Variants in SYNJ1 observed in about 807,000 individuals in gnomAD.
SYNJ1 encodes the protein polyphosphatidylinositol phosphatase SYNJ1.
A neutral mutation model predicts 168.2 loss-of-function variants in SYNJ1; 78 were observed. The observed-to-expected ratio is 0.46, with a 90% CI of 0.39 to 0.56. SYNJ1 has a LOEUF of 0.56. Among genes scored for constraint, SYNJ1 ranks in the 20% least tolerant of loss-of-function variants. The pLI is 0.00. For missense variants in SYNJ1, 1,303 were observed against 1,597.6 expected, an observed-to-expected ratio of 0.82 and a Z score of 3.14; for synonymous variants, 539 against 548.6, an observed-to-expected ratio of 0.98 and a Z score of 0.24.
In SYNJ1 at chr21:32,699,557, A is replaced by T. The variant is rs111521311; in HGVS notation, c.479+281T>A. 7.5e-4 allele frequency among the ~76,000 whole-genome samples: 114 copies of T among 152,242 alleles called. 1 individual carries two copies. Among genetic ancestry groups the T allele is most frequent in the African/African-American group, 2.6e-3 (109 of 41,546 alleles). ...AGTGAGTACTGAGCATCCTAAGAGG[A>T]GTTCCGGGGCATTCTTTCCAACACG... On this transcript the variant is annotated intron_variant, in intron 4 of 32. Coordinates refer to ENST00000674351, the MANE Select transcript of SYNJ1 (RefSeq NM_203446.3).
intron 2 of SYNJ1, among the ~76,000 whole-genome samples, chr21:32,706,619 T>A (rs1463636152): frequency 1.3e-5 from 2 of 152,282 alleles, no homozygotes; most frequent in African/African-American, 2.4e-5. Flanking sequence ...AAATAATTTT[T>A]AAAAATACAT....
upstream of SYNJ1, chr21:32,728,177 C>T (rs746551922): frequency 5.0e-5 from 54 of 1,076,030 alleles, no homozygotes; most frequent in Non-Finnish European, 6.6e-5. Context: ...CTCCAGCTAC[C>T]TTTGCCTCCT....
chr21:32,705,588 A>T (rs1477505850), intron 2 of SYNJ1, among the ~76,000 whole-genome samples: 1 of 152,230 alleles, frequency 6.6e-6, no homozygotes, highest in African/African-American at 2.4e-5. Flanking sequence ...TTATAAGCCT[A>T]TGAATTGAAA....
intron 10 of SYNJ1, 129 bp from the exon 11 acceptor site, chr21:32,681,777 A>C (rs1327003904): frequency 2.0e-5 from 15 of 754,976 alleles, no homozygotes; most frequent in South Asian, 8.3e-5. Context: ...TTCTGAAAAC[A>C]TAACAGTTTA....
At chr21:32,642,788 C>T (rs986810228) in intron 27 of SYNJ1, among the ~76,000 whole-genome samples, 3 of 152,138 alleles carry the variant, frequency 2.0e-5, no homozygotes, top group African/African-American at 7.2e-5. Flanking sequence ...ACTCTTGGAG[C>T]CAAAAGGAGT....
At position 32,694,333 on chromosome 21, in the gene SYNJ1, G is replaced by A. The variant is rs139073944; in HGVS notation, c.706-22C>T. 155 of 1,516,742 alleles carry A rather than the reference G, an allele frequency of 1.0e-4. No individual in the cohort carries two copies. In the East Asian group the frequency reaches 3.6e-3, roughly 36 times the overall value. 94.0% of individuals were successfully genotyped at this position (1,516,742 alleles called of 1,614,324 possible). On this transcript the variant is annotated intron_variant, in intron 5 of 32. Transcript: ENST00000674351. ...CAACCTACAGAAAAAAAAATAATAT[G>A]TAAACTATTTCCACAGAAAAGTTGT...
chr21:32,726,889 A>T lies in SYNJ1; in HGVS notation c.7T>A (p.Phe3Ile). The T allele has an allele frequency of 6.2e-7, 1 of 1,614,098 alleles. No homozygotes were observed. The highest frequency in any genetic ancestry group is 8.5e-7 in the Non-Finnish European group (1 of 1,180,024). Residue 3 changes from phenylalanine (F) to isoleucine (I), a missense_variant, in exon 2 of 33, where the codon TTC (phenylalanine) becomes ATC (isoleucine). Phe to Ile is a conservative substitution (Grantham distance 21). Around this residue, in one of 2 missense-constraint regions of SYNJ1, gnomAD observed 920 missense variants for 1,208.8 expected, o/e 0.76. Coordinates refer to ENST00000674351, the MANE Select transcript of SYNJ1 (RefSeq NM_203446.3). MAFSKGFRIYHKL... is the reference protein window; with the variant it reads MAISKGFRIYHKL... The stretch of plus-strand genomic sequence containing the variant: ...TGATAGATCCGGAATCCTTTACTGA[A>T]CGCCATTCTCCTTTCTTCGGAGGCA...
At chr21:32,659,272 T>G (rs898316956) in intron 18 of SYNJ1, among the ~76,000 whole-genome samples, 1 of 151,494 alleles carries the variant, frequency 6.6e-6, no homozygotes, top group African/African-American at 2.4e-5. Flanking sequence ...GAAAAAAAAG[T>G]TTATCCTTCT....
In SYNJ1 at chr21:32,631,006, T is replaced by G. The variant is rs1326305824; in HGVS notation, c.*799A>C. 2 of 1,611,716 alleles carry G rather than the reference T, an allele frequency of 1.2e-6. No individual in the cohort carries two copies. ...TCTATTGCATGGCGTTATCTTTCTGTAAAGTCCAGTGTGGGTGAAGCCTTA... is the reference window on the plus strand; with the variant it reads ...TCTATTGCATGGCGTTATCTTTCTGGAAAGTCCAGTGTGGGTGAAGCCTTA... On this transcript the variant is annotated 3_prime_UTR_variant, in exon 33 of 33. Transcript: ENST00000674351.
chr21:32,642,225 G>A, intron 27 of SYNJ1, 92 bp from the exon 28 acceptor site: 6 of 1,390,178 alleles, frequency 4.3e-6, no homozygotes, highest in Non-Finnish European at 6.1e-6. Context: ...TTCATTACCA[G>A]CAGAAATGGG....
At chr21:32,716,765 T>TTCA (rs2043037756) in intron 2 of SYNJ1, among the ~76,000 whole-genome samples, 1 of 152,206 alleles carries the variant, frequency 6.6e-6, no homozygotes, top group African/African-American at 2.4e-5. Flanking sequence ...GATCCACATA[T>TTCA]TCATGTATAT....
Position 32,653,231 on chromosome 21 carries a change from T to A in SYNJ1, c.2874+57A>T, listed in dbSNP as rs916233721. ...TTGCTGCATGTCTATAAAAATATCA[T>A]ACCATCTTCAGACATTTAATTTCAG... On this transcript the variant is annotated intron_variant, in intron 22 of 32. Transcript: ENST00000674351. 3 of 1,357,014 alleles carry A rather than the reference T, an allele frequency of 2.2e-6. No homozygotes were observed. The African/African-American group carries it at 4.4e-5, about 20-fold the overall frequency. 84.1% of individuals were successfully genotyped at this position (1,357,014 alleles called of 1,614,324 possible). A position where few individuals can be genotyped will look rare whatever the true frequency, so the allele number is the denominator to read the frequency against.
chr21:32,726,724 A>T (rs751663966), intron 2 of SYNJ1, 48 bp downstream of exon 2: 75 of 1,601,978 alleles, frequency 4.7e-5, no homozygotes, highest in Non-Finnish European at 5.9e-5. Flanking sequence ...GAATTGTTTC[A>T]AATCAAAACA....
chr21:32,673,413 T>C lies in SYNJ1; in HGVS notation c.1653A>G (p.Ile551Met). The C allele has an allele frequency of 1.2e-6, 2 of 1,614,058 alleles. No individual in the cohort carries two copies. Among genetic ancestry groups the C allele is most frequent in the Non-Finnish European group, 1.7e-6 (2 of 1,179,956 alleles). The change falls in exon 14 of 33, where the codon ATA becomes ATG. Residue 551 changes from isoleucine to methionine, a missense_variant. By Grantham distance (10) the Ile-to-Met change is conservative. Transcript: ENST00000674351. ...CAGTGAGTGTCTGATTCTTAAAAGC[T>C]ATGCTGCGAAATTGCTTCCCACCAT... is the stretch of plus-strand genomic sequence containing the variant. ...NVNGGKQFRS[I>M]AFKNQTLTDW...
intron 24 of SYNJ1, 102 bp downstream of exon 24, chr21:32,646,291 G>A (rs896464220): frequency 3.4e-6 from 4 of 1,161,170 alleles, no homozygotes; most frequent in Non-Finnish European, 5.0e-6. Context: ...GAGAAAACAG[G>A]GTGCACTTTA....
At chr21:32,649,320 T>C (rs1449555406) in intron 23 of SYNJ1, among the ~76,000 whole-genome samples, 2 of 152,234 alleles carry the variant, frequency 1.3e-5, no homozygotes, top group Non-Finnish European at 2.9e-5. Flanking sequence ...GATAACCTTG[T>C]AAGACGTTCA....
At chr21:32,638,751 T>C (rs1201737749) in intron 31 of SYNJ1, among the ~76,000 whole-genome samples, 157 bp downstream of exon 31, 1 of 151,908 alleles carries the variant, frequency 6.6e-6, no homozygotes, top group Non-Finnish European at 1.5e-5. Context: ...CATATATATA[T>C]ATATACACAT....
chr21:32,664,189 T>G, intron 18 of SYNJ1, among the ~76,000 whole-genome samples: 1 of 152,210 alleles, frequency 6.6e-6, no homozygotes, highest in Non-Finnish European at 1.5e-5. Flanking sequence ...CTCACCAAAA[T>G]GCTTCAGCGC....
intron 21 of SYNJ1, among the ~76,000 whole-genome samples, chr21:32,655,731 AGGGATTTAAT>A (rs2040429687): frequency 6.6e-6 from 1 of 152,204 alleles, no homozygotes; most frequent in Non-Finnish European, 1.5e-5. Flanking sequence ...TGGTATTTAA[AGGGATTTAAT>A]GGTACCTCTT....
Sources: allele counts gnomAD v4.1 joint callset (sites outside exome capture counted in the v4.1 genomes callset), GRCh38; gene constraint gnomAD v4.1.1; regional missense constraint gnomAD v4.1.1; transcripts MANE v1.5; gene names NCBI Gene and HGNC (gene_info 2026-07-23, HGNC 2026-07-21).